The following RABGAP1L variants were observed in gnomAD, a reference collection of about 807,000 sequenced individuals.
RABGAP1L encodes RAB GTPase activating protein 1 like, also known as rab GTPase-activating protein 1-like.
In RABGAP1L, 63 loss-of-function variants were observed where a neutral mutation model predicts 137.7. The observed-to-expected ratio is 0.46, with a 90% CI of 0.37 to 0.56. The LOEUF is 0.56. Ranked by LOEUF, RABGAP1L falls within the 20% of genes least tolerant of loss-of-function variation. RABGAP1L has a pLI of 0.00. For missense variants in RABGAP1L, 1,095 were observed against 1,244.0 expected (o/e 0.88, Z 1.80); for synonymous variants, 431 against 433.7 (o/e 0.99, Z 0.08).
At chr1:174,197,445 G>A (rs1052565943) in intron 1 of RABGAP1L, among the ~76,000 whole-genome samples, 1 of 152,158 alleles carries the variant, frequency 6.6e-6, no homozygotes, top group Non-Finnish European at 1.5e-5. Context: ...CCCTCTTGGT[G>A]AAAGGAGCCC....
chr1:174,402,149 C>G (rs1648671816), intron 13 of RABGAP1L, among the ~76,000 whole-genome samples: 1 of 152,146 alleles, frequency 6.6e-6, no homozygotes, highest in Non-Finnish European at 1.5e-5. Context: ...TATATCCTTT[C>G]CATGTAAGCC....
At chr1:174,900,943 T>C (rs1352328048) in intron 19 of RABGAP1L, among the ~76,000 whole-genome samples, 1 of 152,190 alleles carries the variant, frequency 6.6e-6, no homozygotes, top group East Asian at 1.9e-4. Flanking sequence ...CAGTCATAGG[T>C]TTGTTCTCTT....
chr1:174,297,840 G>A (rs1186847863), intron 10 of RABGAP1L, among the ~76,000 whole-genome samples: 2 of 152,190 alleles, frequency 1.3e-5, no homozygotes, highest in East Asian at 1.9e-4. Flanking sequence ...TCCCAAGGCC[G>A]GAGGGCAAAA....
At chr1:174,975,251 G>A (rs1449237672) in intron 21 of RABGAP1L, among the ~76,000 whole-genome samples, 1 of 152,214 alleles carries the variant, frequency 6.6e-6, no homozygotes, top group African/African-American at 2.4e-5. Context: ...TGTGTAAGTT[G>A]TCATTACAGT....
intron 13 of RABGAP1L, among the ~76,000 whole-genome samples, chr1:174,473,966 C>T (rs1329180639): frequency 6.6e-6 from 1 of 152,062 alleles, no homozygotes; most frequent in Non-Finnish European, 1.5e-5. Flanking sequence ...TTTGACTAAC[C>T]CCATTTTCTC....
At chr1:174,664,325 A>G (rs555926699) in intron 14 of RABGAP1L, among the ~76,000 whole-genome samples, 218 of 152,316 alleles carry the variant, frequency 1.4e-3, no homozygotes, top group Non-Finnish European at 2.6e-3. Context: ...CCCCAAGAAG[A>G]ATAGTTGTCA....
chr1:174,603,234 A>G (rs945255219), intron 13 of RABGAP1L, among the ~76,000 whole-genome samples: 1 of 152,152 alleles, frequency 6.6e-6, no homozygotes, highest in Non-Finnish European at 1.5e-5. Flanking sequence ...ATGTTCTTTG[A>G]TAAGATCCAA....
At chr1:174,931,403 C>A (rs1663768061) in intron 19 of RABGAP1L, among the ~76,000 whole-genome samples, 2 of 152,122 alleles carry the variant, frequency 1.3e-5, no homozygotes, top group South Asian at 4.1e-4. Flanking sequence ...TTTCACTGAT[C>A]CTCTTTCAGG....
At chr1:174,346,507 A>G (rs1283579162) in intron 11 of RABGAP1L, among the ~76,000 whole-genome samples, 1 of 152,148 alleles carries the variant, frequency 6.6e-6, no homozygotes, top group Non-Finnish European at 1.5e-5. Context: ...CATTTATTCT[A>G]AGTTTTACAA....
chr1:174,572,390 T>C (rs1159353966), intron 13 of RABGAP1L, among the ~76,000 whole-genome samples: 1 of 152,066 alleles, frequency 6.6e-6, no homozygotes, highest in Non-Finnish European at 1.5e-5. Flanking sequence ...TTGTTTTTGT[T>C]TGTTTGTTTG....
At chr1:174,664,740 T>C (rs1156537721) in intron 14 of RABGAP1L, among the ~76,000 whole-genome samples, 1 of 134,764 alleles carries the variant, frequency 7.4e-6, no homozygotes, top group Non-Finnish European at 1.5e-5. Flanking sequence ...CTTTCTTTTT[T>C]TTTTTTTTTT....
intron 17 of RABGAP1L, among the ~76,000 whole-genome samples, chr1:174,739,852 G>A (rs1683242141): frequency 6.6e-6 from 1 of 152,218 alleles, no homozygotes; most frequent in East Asian, 1.9e-4. Context: ...GTGCTTTGCA[G>A]TAAAGTGTTA....
chr1:174,683,655 C>T (rs1407258906), intron 15 of RABGAP1L, 59 bp downstream of exon 15: 6 of 1,334,778 alleles, frequency 4.5e-6, no homozygotes, highest in Middle Eastern at 1.8e-4. Context: ...TTACTTTCTA[C>T]TGGCTTTGTT....
chr1:174,980,492 GA>G, intron 23 of RABGAP1L, among the ~76,000 whole-genome samples: 1 of 152,300 alleles, frequency 6.6e-6, no homozygotes, highest in African/African-American at 2.4e-5. Context: ...CTTCAAAGGC[GA>G]TGTAAGACTT....
intron 11 of RABGAP1L, among the ~76,000 whole-genome samples, chr1:174,352,118 CTG>C (rs768681725): frequency 6.6e-6 from 1 of 152,096 alleles, no homozygotes; most frequent in African/African-American, 2.4e-5. Flanking sequence ...GGGAAGTACT[CTG>C]TTATTATCCC....
chr1:174,871,767 A>G (rs1652239895), intron 19 of RABGAP1L, among the ~76,000 whole-genome samples: 1 of 152,210 alleles, frequency 6.6e-6, no homozygotes, highest in Non-Finnish European at 1.5e-5. Flanking sequence ...TTAGAAATTA[A>G]TGTATCGTTA....
At chr1:174,838,944 A>T (rs968039234) in intron 19 of RABGAP1L, among the ~76,000 whole-genome samples, 7 of 147,898 alleles carry the variant, frequency 4.7e-5, no homozygotes, top group Non-Finnish European at 1.0e-4. Context: ...AAAAAAAAAA[A>T]AAAAAAAAAA....
chr1:174,818,464 T>C (rs935910267), intron 19 of RABGAP1L, among the ~76,000 whole-genome samples: 1 of 152,144 alleles, frequency 6.6e-6, no homozygotes, highest in African/African-American at 2.4e-5. Flanking sequence ...AGTTAAGTTA[T>C]GACAAATAAA....
chr1:174,357,398 A>G (rs1037800307), intron 11 of RABGAP1L, among the ~76,000 whole-genome samples: 15 of 152,194 alleles, frequency 9.9e-5, no homozygotes, highest in African/African-American at 3.4e-4. Flanking sequence ...TATTCCAAAA[A>G]TAAAGCACTA....
Sources: gnomAD v4.1 joint callset for allele counts (sites outside exome capture counted in the v4.1 genomes callset) on GRCh38, gnomAD v4.1.1 for gene constraint, MANE v1.5 for transcripts, NCBI Gene and HGNC (gene_info 2026-07-23, HGNC 2026-07-21) for gene names.